Variants in COL28A1 observed in about 807,000 individuals in gnomAD.
COL28A1 encodes the protein collagen type XXVIII alpha 1 chain.
A neutral mutation model predicts 150.2 loss-of-function variants in COL28A1; 161 were observed. The observed-to-expected ratio is 1.07, with a 90% CI of 0.94 to 1.22. COL28A1 has a LOEUF of 1.22. Ranked by LOEUF, COL28A1 falls within the 50% of genes most tolerant of loss-of-function variation. The pLI is 0.00. For missense variants in COL28A1, 1,617 were observed against 1,388.3 expected (o/e 1.16, Z -2.62); for synonymous variants, 552 against 469.7 (o/e 1.18, Z -2.26).
At chr7:7,528,588 A>G (rs1782162692) in intron 3 of COL28A1, among the ~76,000 whole-genome samples, 1 of 152,234 alleles carries the variant, frequency 6.6e-6, no homozygotes, top group Non-Finnish European at 1.5e-5. Context: ...TGATACAGAA[A>G]AAAACCCTGA....
intron 18 of COL28A1, among the ~76,000 whole-genome samples, chr7:7,448,529 C>T (rs1407360537): frequency 2.0e-5 from 3 of 151,662 alleles, no homozygotes; most frequent in African/African-American, 7.3e-5. Context: ...TACCTACCTT[C>T]TGACCTAGCC....
chr7:7,494,434 C>T (rs1343296701), intron 11 of COL28A1, among the ~76,000 whole-genome samples: 1 of 152,154 alleles, frequency 6.6e-6, no homozygotes, highest in Non-Finnish European at 1.5e-5. Context: ...CTATCATTTA[C>T]TAACAATTTT....
intron 27 of COL28A1, among the ~76,000 whole-genome samples, chr7:7,411,742 C>A (rs552194812): frequency 6.6e-6 from 1 of 152,292 alleles, no homozygotes; most frequent in African/African-American, 2.4e-5. Flanking sequence ...ATTTCTAAGT[C>A]ATCCATGAGT....
intron 25 of COL28A1, among the ~76,000 whole-genome samples, chr7:7,430,952 T>A (rs1441045969): frequency 6.6e-6 from 1 of 152,198 alleles, no homozygotes; most frequent in Non-Finnish European, 1.5e-5. Context: ...CACTTCCAGA[T>A]ACATCCTCAT....
In COL28A1 at chr7:7,452,302, A is replaced by T. The variant is rs757547804; in HGVS notation, c.1509+17T>A. On this transcript the variant is annotated intron_variant, in intron 18 of 34. Coordinates refer to ENST00000399429, the MANE Select transcript of COL28A1 (RefSeq NM_001037763.3). ...TACATAAAGTATCATATCACTTCTG[A>T]GCAGCAGTCAACTCACCTTTGGACC... 1 of 1,598,228 alleles carries T rather than the reference A, an allele frequency of 6.3e-7. No homozygotes were observed. Among genetic ancestry groups the T allele is most frequent in the African/African-American group, 1.4e-5 (1 of 73,816 alleles).
chr7:7,505,940 T>C (rs17168333), intron 11 of COL28A1, 74 bp downstream of exon 11: 135,730 of 824,500 alleles, frequency 0.16, 11,924 homozygotes, highest in East Asian at 0.26. Context: ...GACTTTTACC[T>C]AATAAAACAT....
chr7:7,346,699 A>G, the COL28A1 span, among the ~76,000 whole-genome samples: 13 of 152,120 alleles, frequency 8.5e-5, no homozygotes, highest in Admixed American at 1.3e-4. Flanking sequence ...ATAATGAAAA[A>G]TTCATTCATT....
chr7:7,380,810 A>G lies in COL28A1; in HGVS notation c.2258T>C (p.Ile753Thr), dbSNP rs375439932. The change falls in exon 29 of 35, where the codon ATT (isoleucine) becomes ACT (threonine). Residue 753 changes from isoleucine to threonine, a missense_variant. Coordinates refer to ENST00000399429, the MANE Select transcript of COL28A1 (RefSeq NM_001037763.3). Reference sequence around the variant, plus strand: ...TTTTCCTGGAGATCCAGGCTCTCCAATTTCTCCTTTATCACCTTTCTTTCC... The same window carrying G: ...TTTTCCTGGAGATCCAGGCTCTCCAGTTTCTCCTTTATCACCTTTCTTTCC... ...DVGKKGDKGE[I>T]GEPGSPGKQG... The G allele has an allele frequency of 3.7e-6, 6 of 1,613,824 alleles. No homozygotes were observed. Among genetic ancestry groups the G allele is most frequent in the African/African-American group, 1.3e-5 (1 of 74,878 alleles).
Position 7,489,459 on chromosome 7 carries a change from TA to T in COL28A1, c.1096-3del. 3 of 1,274,036 alleles carry T rather than the reference TA, an allele frequency of 2.4e-6. No homozygotes were observed. Among genetic ancestry groups the T allele is most frequent in the Non-Finnish European group, 3.5e-6 (3 of 869,158 alleles). 78.9% of individuals were successfully genotyped at this position (1,274,036 alleles called of 1,614,324 possible). ...TCTTCCTTCTTGGCCTCTTTCTCCC[TA>T]AGAGAAAGAAATAATAGAATGAAAG... is the stretch of plus-strand genomic sequence containing the variant. On this transcript the variant is annotated splice_region_variant and splice_polypyrimidine_tract_variant and intron_variant, in intron 12 of 34. Transcript: ENST00000399429.
chr7:7,457,032 G>A (rs1346552591), intron 15 of COL28A1, among the ~76,000 whole-genome samples: 3 of 152,178 alleles, frequency 2.0e-5, no homozygotes. Flanking sequence ...TCCAGAAACA[G>A]CAAGGAGACA....
At chr7:7,477,272 T>C (rs1044699233) in intron 13 of COL28A1, 92 bp from the exon 14 acceptor site, 121 of 756,976 alleles carry the variant, frequency 1.6e-4, no homozygotes, top group Admixed American at 4.0e-4. Context: ...AAGAGAATGG[T>C]TATATTTCAG....
intron 32 of COL28A1, among the ~76,000 whole-genome samples, chr7:7,372,581 T>TC (rs1781294435): frequency 6.6e-6 from 1 of 152,142 alleles, no homozygotes; most frequent in Admixed American, 6.5e-5. Context: ...GACCATAACT[T>TC]TTTTTTCATT....
rs1781346034 is a variant in COL28A1 at position 7,373,472 on chromosome 7, C to G, written c.2434G>C (p.Glu812Gln). 1 of 1,614,152 alleles carries G rather than the reference C, an allele frequency of 6.2e-7. No homozygotes were observed. The highest frequency in any genetic ancestry group is 1.3e-5 in the African/African-American group (1 of 75,038). Residue 812 changes from glutamate (E) to glutamine (Q), a missense_variant, in exon 32 of 35, where the codon GAG (glutamate) becomes CAG (glutamine). Transcript: ENST00000399429. This position sits in a 1 kb window ranked among gnomAD's most constrained non-coding sequence, Gnocchi z 4.1. The stretch of plus-strand genomic sequence containing the variant: ...AAATTTTTAATGATCTGAAAGTTCT[C>G]TGGCCCCACGCTTTCTGAGCTGTCG... ...VIDSSESVGPENFQIIKNFVK... is the reference protein window; with the variant it reads ...VIDSSESVGPQNFQIIKNFVK...
intron 14 of COL28A1, among the ~76,000 whole-genome samples, chr7:7,476,065 G>A (rs1054488592): frequency 7.2e-5 from 11 of 152,164 alleles, no homozygotes; most frequent in Non-Finnish European, 1.3e-4. Context: ...AAGAAGCTGA[G>A]AATGAAATGC....
chr7:7,452,466 T>C, intron 17 of COL28A1, 79 bp from the exon 18 acceptor site: 2 of 1,508,486 alleles, frequency 1.3e-6, no homozygotes, highest in African/African-American at 1.4e-5. Flanking sequence ...ACCTGTCTTA[T>C]ATCAACAAAG....
chr7:7,450,942 G>T (rs1482021589), intron 18 of COL28A1, among the ~76,000 whole-genome samples: 1 of 151,986 alleles, frequency 6.6e-6, no homozygotes, highest in African/African-American at 2.4e-5. Context: ...AAAGTTTAAG[G>T]ACACAAAAAA....
chr7:7,436,443 C>T lies in COL28A1; in HGVS notation c.1812G>A (p.Gly604=). 7.2e-7 allele frequency: 1 copy of T among 1,397,264 alleles called. No individual in the cohort carries two copies. The allele number at this position is 1,397,264 out of a possible 1,614,324, so 86.6% of individuals were successfully genotyped here. ...PGPKGDRGGP[G]IPGFKGEPGL... ...CAGGTTCTCCCTTAAATCCAGGTAT[C>T]CCAGGTCCTCCTCTATCTCCCTGTA... Residue 604 remains glycine, a synonymous_variant, in exon 23 of 35, where the codon GGG becomes GGA. Coordinates refer to ENST00000399429, the MANE Select transcript of COL28A1 (RefSeq NM_001037763.3).
chr7:7,512,473 A>C (rs1287851497), intron 8 of COL28A1, among the ~76,000 whole-genome samples: 1 of 152,292 alleles, frequency 6.6e-6, no homozygotes, highest in African/African-American at 2.4e-5. Context: ...TACAATAAAT[A>C]TGAACTTTTT....
chr7:7,397,882 T>C (rs1474254281), intron 27 of COL28A1, among the ~76,000 whole-genome samples: 1 of 152,234 alleles, frequency 6.6e-6, no homozygotes, highest in African/African-American at 2.4e-5. Flanking sequence ...CCTACTCTCA[T>C]CGCATAATGA....
Sources: allele counts gnomAD v4.1 joint callset (sites outside exome capture counted in the v4.1 genomes callset), GRCh38; gene constraint gnomAD v4.1.1; non-coding constraint Gnocchi (gnomAD v3.1); transcripts MANE v1.5; gene names NCBI Gene and HGNC (gene_info 2026-07-23, HGNC 2026-07-21).